ARMH3: variants seen among roughly 807,000 people sequenced by gnomAD.
ARMH3 encodes armadillo-like helical domain-containing protein 3.
In ARMH3, 60 loss-of-function variants were observed where a neutral mutation model predicts 99.1. The observed-to-expected ratio is 0.61, with a 90% CI of 0.49 to 0.75. The LOEUF (loss-of-function observed/expected upper bound fraction) is 0.75. Ranked by LOEUF, ARMH3 falls within the 30% of genes least tolerant of loss-of-function variation. The pLI, the probability that ARMH3 is intolerant of heterozygous loss-of-function variation, is 0.00. For synonymous variants in ARMH3, 285 were observed against 292.8 expected (o/e 0.97, Z 0.27); for missense variants, 679 against 843.1 (o/e 0.81, Z 2.41).
intron 23 of ARMH3, among the ~76,000 whole-genome samples, chr10:101,925,191 A>C (rs1023020584): frequency 1.3e-5 from 2 of 152,186 alleles, no homozygotes; most frequent in African/African-American, 4.8e-5. Context: ...TCAGCTGCTG[A>C]ATAACATAAT....
intron 19 of ARMH3, among the ~76,000 whole-genome samples, chr10:101,976,524 G>A (rs1846021978): frequency 1.3e-5 from 2 of 151,508 alleles, no homozygotes; most frequent in South Asian, 2.1e-4. Flanking sequence ...CGCCACTGAC[G>A]TCTTTCCCTT....
chr10:101,911,496 G>C (rs1048343946), intron 23 of ARMH3, among the ~76,000 whole-genome samples: 1 of 152,218 alleles, frequency 6.6e-6, no homozygotes, highest in Admixed American at 6.5e-5. Context: ...CAGCTGCTCA[G>C]GGGACTGAGG....
chr10:101,965,833 G>A (rs1845506866), intron 20 of ARMH3, among the ~76,000 whole-genome samples: 1 of 152,106 alleles, frequency 6.6e-6, no homozygotes, highest in South Asian at 2.1e-4. Flanking sequence ...GCTCTCTTTT[G>A]ACTCTGTACT....
intron 23 of ARMH3, among the ~76,000 whole-genome samples, chr10:101,890,248 T>A (rs915238964): frequency 6.7e-6 from 1 of 150,260 alleles, no homozygotes; most frequent in African/African-American, 2.4e-5. Context: ...ATATATTTAT[T>A]TATATTTATA....
intron 23 of ARMH3, among the ~76,000 whole-genome samples, chr10:101,935,356 C>A (rs1655284412): frequency 6.6e-6 from 1 of 151,852 alleles, no homozygotes. Flanking sequence ...TGTTTAAATA[C>A]AAATAACTTT....
chr10:101,896,475 G>C (rs7911795), intron 23 of ARMH3, among the ~76,000 whole-genome samples: 31,285 of 152,062 alleles, frequency 0.21, 3,575 homozygotes, highest in East Asian at 0.52. Context: ...CTTTCAGGGG[G>C]AACACAATAT....
intron 22 of ARMH3, among the ~76,000 whole-genome samples, chr10:101,944,369 A>T (rs1844423540): frequency 6.8e-6 from 1 of 148,066 alleles, no homozygotes; most frequent in African/African-American, 2.5e-5. Flanking sequence ...AAAAATTTGA[A>T]GAAATTATAG....
chr10:101,898,006 T>C (rs569900575), intron 23 of ARMH3, among the ~76,000 whole-genome samples: 69 of 152,206 alleles, frequency 4.5e-4, no homozygotes, highest in Admixed American at 4.5e-3. Flanking sequence ...GGTTGTTAAC[T>C]GAGACACATA....
intron 24 of ARMH3, among the ~76,000 whole-genome samples, chr10:101,884,135 T>C (rs2135420869): frequency 6.6e-6 from 1 of 152,244 alleles, no homozygotes; most frequent in South Asian, 2.1e-4. Flanking sequence ...TTTGCGGTCC[T>C]CTTTAAAAGA....
At chr10:102,013,893 T>G in intron 9 of ARMH3, 75 bp downstream of exon 9, 1 of 1,267,704 alleles carries the variant, frequency 7.9e-7, no homozygotes, top group Non-Finnish European at 1.1e-6. Context: ...CTCTCTGTTC[T>G]AAATGTACTT....
chr10:101,918,650 C>A (rs1205296081), intron 23 of ARMH3, among the ~76,000 whole-genome samples: 1 of 152,136 alleles, frequency 6.6e-6, no homozygotes, highest in African/African-American at 2.4e-5. Context: ...TGATTAATCA[C>A]CATGAAGAGC....
At chr10:101,911,462 C>T (rs142975210) in intron 23 of ARMH3, among the ~76,000 whole-genome samples, 4 of 152,294 alleles carry the variant, frequency 2.6e-5, no homozygotes, top group Non-Finnish European at 5.9e-5. Flanking sequence ...GTAGGCTGGA[C>T]GCAGAGGCTT....
chr10:102,038,126 G>A (rs1457491471), intron 2 of ARMH3, among the ~76,000 whole-genome samples: 3 of 123,824 alleles, frequency 2.4e-5, no homozygotes, highest in Admixed American at 2.1e-4. Context: ...ATGGAGTCTC[G>A]CTCTGTCGCC....
intron 18 of ARMH3, among the ~76,000 whole-genome samples, chr10:101,991,527 C>T (rs1444994808): frequency 6.6e-6 from 1 of 152,120 alleles, no homozygotes; most frequent in Non-Finnish European, 1.5e-5. Flanking sequence ...ATTACAGGCG[C>T]ACGCCAACAC....
At chr10:102,035,893 C>T (rs2067246018) in intron 2 of ARMH3, among the ~76,000 whole-genome samples, 1 of 152,012 alleles carries the variant, frequency 6.6e-6, no homozygotes, top group Non-Finnish European at 1.5e-5. Context: ...AGCCCCTCTG[C>T]CCAGCTGCCC....
At chr10:101,952,716 T>C (rs983554884) in intron 22 of ARMH3, 1 of 152,212 alleles carries the variant, frequency 6.6e-6, no homozygotes, top group Non-Finnish European at 1.5e-5. Context: ...CTCTTAACCA[T>C]TTTTAAGCAT....
chr10:102,025,917 C>T (rs143256481), intron 5 of ARMH3, among the ~76,000 whole-genome samples: 19 of 152,248 alleles, frequency 1.2e-4, no homozygotes, highest in African/African-American at 4.1e-4. Context: ...AGAGTTGGCA[C>T]TGCAGGTGTG....
At chr10:101,909,284 G>A (rs1842773119) in intron 23 of ARMH3, among the ~76,000 whole-genome samples, 1 of 151,748 alleles carries the variant, frequency 6.6e-6, no homozygotes, top group African/African-American at 2.4e-5. Context: ...GCGCACGCCT[G>A]TAATCCCAGT....
intron 8 of ARMH3, among the ~76,000 whole-genome samples, chr10:102,020,472 C>T (rs565979004): frequency 1.4e-4 from 21 of 152,076 alleles, no homozygotes; most frequent in Admixed American, 2.6e-4. Context: ...GTCAGGAGAT[C>T]GAGACCATCC....
Sources: allele counts gnomAD v4.1 joint callset (sites outside exome capture counted in the v4.1 genomes callset), GRCh38; gene constraint gnomAD v4.1.1; transcripts MANE v1.5; gene names NCBI Gene and HGNC (gene_info 2026-07-23, HGNC 2026-07-21).